The following EPB41 variants were observed in gnomAD, a reference collection of about 807,000 sequenced individuals.
The protein encoded by EPB41 is erythrocyte membrane protein band 4.1, also known as protein 4.1.
Under a neutral mutation model 108.0 loss-of-function variants are expected in EPB41, and 65 were observed. That is an observed-to-expected ratio of 0.60 (90% CI 0.49 to 0.74). The LOEUF is 0.74. Among genes scored for constraint, EPB41 ranks in the 30% least tolerant of loss-of-function variants. EPB41 has a pLI of 0.00. For missense variants in EPB41, 875 were observed against 1,037.0 expected (o/e 0.84, Z 2.15); for synonymous variants, 336 against 358.9 (o/e 0.94, Z 0.72).
chr1:29,014,044 C>A (rs541746951), intron 5 of EPB41, among the ~76,000 whole-genome samples: 1 of 151,902 alleles, frequency 6.6e-6, no homozygotes, highest in Admixed American at 6.6e-5. Flanking sequence ...TGGCCAGTTG[C>A]AGTGGCTCAC....
intron 1 of EPB41, among the ~76,000 whole-genome samples, chr1:28,897,792 C>T (rs565529577): frequency 6.6e-6 from 1 of 152,176 alleles, no homozygotes; most frequent in South Asian, 2.1e-4. Context: ...TTGCTTGCCT[C>T]GAAGATTCAG....
intron 1 of EPB41, among the ~76,000 whole-genome samples, chr1:28,905,554 C>T (rs1303661971): frequency 6.6e-6 from 1 of 151,686 alleles, no homozygotes; most frequent in East Asian, 1.9e-4. Context: ...TGTAAGGACA[C>T]AGCAAGAAGG....
chr1:29,037,967 C>A (rs1394024111), intron 10 of EPB41, among the ~76,000 whole-genome samples: 1 of 152,164 alleles, frequency 6.6e-6, no homozygotes, highest in Non-Finnish European at 1.5e-5. Context: ...TCTTCTATAT[C>A]CCTATCCACT....
chr1:28,916,298 TCATACAC>T, intron 1 of EPB41, among the ~76,000 whole-genome samples: 1 of 152,314 alleles, frequency 6.6e-6, no homozygotes, highest in African/African-American at 2.4e-5. Flanking sequence ...TAGATATTAT[TCATACAC>T]CTGGGGAAAC....
intron 15 of EPB41, among the ~76,000 whole-genome samples, chr1:29,061,025 A>G (rs989197598): frequency 7.2e-5 from 11 of 152,166 alleles, no homozygotes; most frequent in African/African-American, 2.4e-5. Flanking sequence ...TGGTTTAATC[A>G]TAAAAACAGG....
chr1:29,043,443 T>G (rs1261079984), intron 11 of EPB41, among the ~76,000 whole-genome samples: 10 of 152,358 alleles, frequency 6.6e-5, no homozygotes, highest in Non-Finnish European at 5.9e-5. Flanking sequence ...TGGAAATCTT[T>G]CATTTTGTGA....
At chr1:29,023,612 G>A (rs886382002) in intron 7 of EPB41, among the ~76,000 whole-genome samples, 4 of 151,606 alleles carry the variant, frequency 2.6e-5, no homozygotes, top group Admixed American at 6.6e-5. Context: ...GCTTGAACTC[G>A]GGAGGCAGAG....
In EPB41 at chr1:29,112,240, T is replaced by G. The variant is rs1669426528; in HGVS notation, c.2416-128T>G. 6 of 738,882 alleles carry G rather than the reference T, an allele frequency of 8.1e-6. No homozygotes were observed. In the South Asian group the frequency reaches 9.3e-5, roughly 11 times the overall value. 45.8% of individuals were successfully genotyped at this position (738,882 alleles called of 1,614,324 possible). A position where few individuals can be genotyped will look rare whatever the true frequency, so the allele number is the denominator to read the frequency against. On this transcript the variant is annotated intron_variant, in intron 18 of 20. Coordinates refer to ENST00000343067, the MANE Select transcript of EPB41 (RefSeq NM_001376013.1). ...GGTCTCAAACTCCTGGCCGCAAGCATTCCTCCTATCTCAGCCTCCCAAAGT... is the reference window on the plus strand; with the variant it reads ...GGTCTCAAACTCCTGGCCGCAAGCAGTCCTCCTATCTCAGCCTCCCAAAGT...
At chr1:28,933,722 C>T (rs374933263) in intron 1 of EPB41, among the ~76,000 whole-genome samples, 74 of 151,940 alleles carry the variant, frequency 4.9e-4, no homozygotes, top group African/African-American at 1.5e-3. Context: ...TTTTTTTCCA[C>T]GATTAGATAG....
At chr1:29,079,145 GCCAC>G (rs1456915682) in intron 16 of EPB41, among the ~76,000 whole-genome samples, 1 of 151,770 alleles carries the variant, frequency 6.6e-6, no homozygotes, top group Non-Finnish European at 1.5e-5. Context: ...ACAGGCGCCT[GCCAC>G]CACGCTCAGC....
intron 16 of EPB41, 49 bp from the exon 17 acceptor site, chr1:29,097,758 C>A (rs754967083): frequency 1.8e-5 from 29 of 1,604,442 alleles, no homozygotes; most frequent in Non-Finnish European, 2.3e-5. Context: ...GATTACTTCT[C>A]CATTGCCTTC....
At chr1:28,911,768 C>T (rs1304827489), upstream of EPB41, among the ~76,000 whole-genome samples, 3 of 152,132 alleles carry the variant, frequency 2.0e-5, no homozygotes, top group Non-Finnish European at 2.9e-5. Flanking sequence ...TGTGGCCAGG[C>T]ATGGTGGCTC....
At chr1:28,984,603 A>G (rs1237991751) in intron 1 of EPB41, among the ~76,000 whole-genome samples, 1 of 151,990 alleles carries the variant, frequency 6.6e-6, no homozygotes, top group African/African-American at 2.4e-5. Flanking sequence ...ATGCCTTTGC[A>G]GTTTGTATTT....
At chr1:28,985,356 T>C (rs1378247673) in intron 1 of EPB41, among the ~76,000 whole-genome samples, 2 of 152,156 alleles carry the variant, frequency 1.3e-5, no homozygotes, top group African/African-American at 2.4e-5. Flanking sequence ...GTTCATGTCC[T>C]TATAGAACTT....
intron 5 of EPB41, among the ~76,000 whole-genome samples, chr1:29,015,131 A>T (rs548502683): frequency 6.6e-6 from 1 of 152,230 alleles, no homozygotes; most frequent in Non-Finnish European, 1.5e-5. Flanking sequence ...AAATCAAACG[A>T]TTATATTAAG....
At chr1:28,918,641 G>A (rs1444630064) in intron 1 of EPB41, among the ~76,000 whole-genome samples, 2 of 152,190 alleles carry the variant, frequency 1.3e-5, no homozygotes, top group Non-Finnish European at 2.9e-5. Flanking sequence ...GCTAGGTGCA[G>A]TGGTTTATGC....
intron 17 of EPB41, among the ~76,000 whole-genome samples, chr1:29,107,900 G>A (rs1476268037): frequency 2.0e-5 from 3 of 148,028 alleles, no homozygotes; most frequent in Non-Finnish European, 3.0e-5. Context: ...GTGGTGGCGC[G>A]TGCCTATATT....
intron 1 of EPB41, among the ~76,000 whole-genome samples, chr1:28,904,597 T>C (rs1218284995): frequency 6.6e-6 from 1 of 152,096 alleles, no homozygotes; most frequent in East Asian, 1.9e-4. Context: ...ATTAGTGCCC[T>C]TATAAGAAGA....
chr1:29,050,236 A>G (rs1338245352), intron 11 of EPB41, among the ~76,000 whole-genome samples: 1 of 152,178 alleles, frequency 6.6e-6, no homozygotes. Flanking sequence ...TTATTTTTCC[A>G]ATCTGTGAAC....
Sources: gnomAD v4.1 joint callset for allele counts (sites outside exome capture counted in the v4.1 genomes callset) on GRCh38, gnomAD v4.1.1 for gene constraint, MANE v1.5 for transcripts, NCBI Gene and HGNC (gene_info 2026-07-23, HGNC 2026-07-21) for gene names.